The following SUN1 variants were observed in gnomAD, a reference collection of about 807,000 sequenced individuals.
SUN1 encodes SUN domain-containing protein 1.
A neutral mutation model predicts 103.2 loss-of-function variants in SUN1; 61 were observed. The ratio of observed to expected loss-of-function variants is 0.59; its 90% CI spans 0.48 to 0.73. The LOEUF is 0.73. SUN1 is among the 30% of genes least tolerant of loss of function. The probability of loss-of-function intolerance (pLI) is 0.00; values close to 1 mark genes in which losing one functional copy is unlikely to be tolerated. For missense variants in SUN1, 1,052 were observed against 1,034.6 expected, an observed-to-expected ratio of 1.02 and a Z score of -0.23; for synonymous variants, 490 against 425.7, an observed-to-expected ratio of 1.15 and a Z score of -1.86.
intron 2 of SUN1, 127 bp from the exon 3 acceptor site, chr7:841,819 G>A (rs1197024138): frequency 3.1e-6 from 3 of 952,860 alleles, no homozygotes; most frequent in Non-Finnish European, 4.6e-6. Context: ...CAGCAGAAAA[G>A]GCATAGGAAA....
intron 1 of SUN1, among the ~76,000 whole-genome samples, chr7:823,808 C>CTG (rs1402821011): frequency 7.2e-5 from 11 of 152,098 alleles, no homozygotes; most frequent in African/African-American, 2.7e-4. Context: ...GGGCATGGGG[C>CTG]ACGCGCCCTG....
Position 873,299 on chromosome 7 carries a change from C to T in SUN1, c.2326C>T (p.Arg776Trp). The T allele has an allele frequency of 6.2e-7, 1 of 1,614,188 alleles. No individual in the cohort carries two copies. Among genetic ancestry groups the T allele is most frequent in the Non-Finnish European group, 8.5e-7 (1 of 1,180,028 alleles). Residue 776 changes from arginine (R) to tryptophan (W), a missense_variant, in exon 19 of 19, where the codon CGG (arginine) becomes TGG (tryptophan). This residue lies in a region of SUN1 where 206 missense variants were observed against 260.1 expected (regional missense o/e 0.79). Coordinates refer to ENST00000401592, the MANE Select transcript of SUN1 (RefSeq NM_001130965.3). ...CCATCCTGAGTATACCTGTCTGTATCGGTTCAGAGTTCATGGCGAACCTGT... is the reference window on the plus strand; with the variant it reads ...CCATCCTGAGTATACCTGTCTGTATTGGTTCAGAGTTCATGGCGAACCTGT... ...WGHPEYTCLY[R>W]FRVHGEPVK
upstream of SUN1, among the ~76,000 whole-genome samples, chr7:827,827 A>G (rs368661728): frequency 6.6e-6 from 1 of 152,102 alleles, no homozygotes; most frequent in Admixed American, 6.5e-5. Flanking sequence ...TTTCGTGTCT[A>G]CCATATAATA....
rs746073254 is a variant in SUN1 at position 857,791 on chromosome 7, G to T, written c.1395-37G>T. The T allele has an allele frequency of 8.5e-6, 13 of 1,533,598 alleles. No individual in the cohort carries two copies. The East Asian group carries it at 9.3e-5, about 11-fold the overall frequency. The allele number at this position is 1,533,598 out of a possible 1,614,324, so 95.0% of individuals were successfully genotyped here. ...AGTGTGGGAAGCGTATAGGCTGGGA[G>T]GCTTGTGTGTGACCCATTCTCACTG... On this transcript the variant is annotated intron_variant, in intron 12 of 18. Transcript: ENST00000401592.
upstream of SUN1, chr7:831,018 G>C: frequency 1.0e-6 from 1 of 985,590 alleles, no homozygotes; most frequent in Non-Finnish European, 1.2e-6. Flanking sequence ...CCTGTCCTGT[G>C]CCGGGCTCCT....
chr7:838,799 TC>T lies in SUN1; in HGVS notation c.81del (p.Ser28AlafsTer56). The T allele has an allele frequency of 6.5e-7, 1 of 1,541,978 alleles. No homozygotes were observed. Among genetic ancestry groups the T allele is most frequent in the Non-Finnish European group, 8.8e-7 (1 of 1,140,062 alleles). On this transcript the variant is annotated frameshift_variant and splice_region_variant, in exon 2 of 19. Transcript: ENST00000401592. LOFTEE classifies it high-confidence loss of function. ...ENTGYTYALSSSYSSDALDFE... is the reference protein window; with the variant it reads ...ENTGYTYALSXSYSSDALDFE... ...CTCTGATGAGCTTTTTCCTTCTAGT[TC>T]CAGCTATTCTTCAGATGCTCTGGAT...
At position 832,550 on chromosome 7, in the gene SUN1, A is replaced by G; in HGVS notation, c.26A>G (p.Tyr9Cys). 6 of 1,613,466 alleles carry G rather than the reference A, an allele frequency of 3.7e-6. No individual in the cohort carries two copies. Among genetic ancestry groups the G allele is most frequent in the Non-Finnish European group, 5.1e-6 (6 of 1,179,664 alleles). ...ATGGATTTTTCTCGGCTTCACATGT[A>G]CAGTCCTCCCCAGTGTGTGCCGGAG... is the stretch of plus-strand genomic sequence containing the variant. MDFSRLHM[Y>C]SPPQCVPENT... The change falls in exon 1 of 19, where the codon TAC becomes TGC. Residue 9 changes from tyrosine (Y) to cysteine (C), a missense_variant. Tyr to Cys is a radical substitution (Grantham distance 194). Around this residue, in one of 2 missense-constraint regions of SUN1, gnomAD observed 846 missense variants for 774.5 expected, o/e 1.09. Transcript: ENST00000401592.
chr7:839,103 A>C, intron 2 of SUN1, 117 bp downstream of exon 2: 29 of 1,061,062 alleles, frequency 2.7e-5, no homozygotes, highest in Non-Finnish European at 3.7e-5. Flanking sequence ...ATGTGTGTGT[A>C]TGTGCGTGTA....
chr7:823,059 C>A (rs1787885889), intron 1 of SUN1, among the ~76,000 whole-genome samples: 1 of 152,252 alleles, frequency 6.6e-6, no homozygotes. Context: ...GGAGCGTAGT[C>A]AGGTAAGGAG....
intron 11 of SUN1, among the ~76,000 whole-genome samples, chr7:855,515 C>G (rs141170158): frequency 6.6e-6 from 1 of 152,208 alleles, no homozygotes; most frequent in Non-Finnish European, 1.5e-5. Context: ...CTCTTTGTGT[C>G]TCTGGTGCTT....
chr7:822,107 T>G (rs1786695254), intron 1 of SUN1, among the ~76,000 whole-genome samples: 1 of 152,226 alleles, frequency 6.6e-6, no homozygotes, highest in African/African-American at 2.4e-5. Flanking sequence ...AGCAGTTTGC[T>G]TCCACTGGGA....
chr7:822,173 A>G (rs367788291), intron 1 of SUN1, among the ~76,000 whole-genome samples: 160 of 152,366 alleles, frequency 1.1e-3, no homozygotes, highest in Non-Finnish European at 1.9e-3. Flanking sequence ...TGCTTCTTAT[A>G]ATACACTGTT....
intron 16 of SUN1, 181 bp from the exon 17 acceptor site, chr7:869,167 AG>A (rs1441842726): frequency 1.4e-6 from 1 of 708,260 alleles, no homozygotes; most frequent in Non-Finnish European, 2.4e-6. Context: ...GGTTGGAGAT[AG>A]TGGCCCTCTG....
intron 1 of SUN1, among the ~76,000 whole-genome samples, chr7:827,409 G>C (rs1793245031): frequency 6.6e-6 from 1 of 151,130 alleles, no homozygotes; most frequent in South Asian, 2.1e-4. Context: ...GATTAGTACA[G>C]ATATTCTGAA....
At chr7:855,543 G>A (rs1584958996) in intron 11 of SUN1, among the ~76,000 whole-genome samples, 1 of 152,216 alleles carries the variant, frequency 6.6e-6, no homozygotes, top group East Asian at 1.9e-4. Flanking sequence ...AGCCTGGCGT[G>A]TCACATGTGC....
At chr7:839,037 C>G in intron 2 of SUN1, 51 bp downstream of exon 2, 1 of 1,459,474 alleles carries the variant, frequency 6.9e-7, no homozygotes, top group Non-Finnish European at 9.0e-7. Flanking sequence ...CCAGTTAAAA[C>G]CAAGCTTCCA....
At chr7:859,746 A>G (rs761222417) in intron 13 of SUN1, among the ~76,000 whole-genome samples, 1 of 152,252 alleles carries the variant, frequency 6.6e-6, no homozygotes, top group South Asian at 2.1e-4. Context: ...GTTCATTTAT[A>G]TGACTGTTTT....
chr7:834,596 C>T (rs1189964658), intron 1 of SUN1, among the ~76,000 whole-genome samples: 1 of 152,180 alleles, frequency 6.6e-6, no homozygotes, highest in Non-Finnish European at 1.5e-5. Flanking sequence ...TCCTCGTAGC[C>T]CTGACCTCTT....
chr7:870,887 CTTTTTTTT>C (rs59711259), intron 17 of SUN1, among the ~76,000 whole-genome samples: 2 of 101,082 alleles, frequency 2.0e-5, no homozygotes, highest in Non-Finnish European at 3.8e-5. Flanking sequence ...TATTTTCTTT[CTTTTTTTT>C]TTTTTTTTTT....
Sources: gnomAD v4.1 joint callset for allele counts (sites outside exome capture counted in the v4.1 genomes callset) on GRCh38, gnomAD v4.1.1 for gene constraint, gnomAD v4.1.1 regional missense constraint, MANE v1.5 for transcripts, NCBI Gene and HGNC (gene_info 2026-07-23, HGNC 2026-07-21) for gene names.